Variants in ZMAT4 observed in about 807,000 individuals in gnomAD.
ZMAT4 encodes zinc finger matrin-type 4, also known as zinc finger matrin-type protein 4.
Under a neutral mutation model 28.7 loss-of-function variants are expected in ZMAT4, and 17 were observed. The observed-to-expected ratio is 0.59, with a 90% CI of 0.41 to 0.89. The LOEUF is 0.89. Among genes scored for constraint, ZMAT4 ranks in the 40% least tolerant of loss-of-function variants. The probability of loss-of-function intolerance (pLI) is 0.00; values close to 1 mark genes in which losing one functional copy is unlikely to be tolerated. For missense variants in ZMAT4, 240 were observed against 283.8 expected (o/e 0.85, Z 1.11); for synonymous variants, 117 against 109.2 (o/e 1.07, Z -0.44).
At chr8:40,725,644 C>T (rs1163030798) in intron 3 of ZMAT4, among the ~76,000 whole-genome samples, 1 of 152,078 alleles carries the variant, frequency 6.6e-6, no homozygotes, top group African/African-American at 2.4e-5. Context: ...CTAAATATCT[C>T]CTTTAAAGTC....
chr8:40,864,813 C>T (rs1198523619), intron 1 of ZMAT4, among the ~76,000 whole-genome samples: 1 of 152,138 alleles, frequency 6.6e-6, no homozygotes, highest in Admixed American at 6.5e-5. Flanking sequence ...TTTCCCAAAA[C>T]CTGAACTATA....
At chr8:40,760,686 C>G (rs1812890966) in intron 3 of ZMAT4, among the ~76,000 whole-genome samples, 1 of 146,630 alleles carries the variant, frequency 6.8e-6, no homozygotes, top group Admixed American at 7.0e-5. Flanking sequence ...AAAGATCTCT[C>G]TCTCTCTCTC....
intron 3 of ZMAT4, among the ~76,000 whole-genome samples, chr8:40,699,286 T>C (rs1810028604): frequency 6.6e-6 from 1 of 152,150 alleles, no homozygotes; most frequent in Non-Finnish European, 1.5e-5. Context: ...CTTTACTACA[T>C]GCTGGAGGAT....
chr8:40,575,360 T>A (rs1339542911), intron 6 of ZMAT4, among the ~76,000 whole-genome samples: 1 of 152,010 alleles, frequency 6.6e-6, no homozygotes, highest in South Asian at 2.1e-4. Flanking sequence ...CAAACCCCTA[T>A]GCCTTGGGCT....
intron 2 of ZMAT4, among the ~76,000 whole-genome samples, chr8:40,809,189 A>C (rs1013761161): frequency 6.6e-6 from 1 of 152,220 alleles, no homozygotes; most frequent in Non-Finnish European, 1.5e-5. Flanking sequence ...ATCTTAAATA[A>C]ATTAATGCAG....
chr8:40,564,609 A>T (rs1194180182), intron 6 of ZMAT4, among the ~76,000 whole-genome samples: 1 of 152,224 alleles, frequency 6.6e-6, no homozygotes, highest in African/African-American at 2.4e-5. Flanking sequence ...CTTTGAGAAA[A>T]GGAAGCAATT....
chr8:40,584,499 T>C (rs1804598907), intron 5 of ZMAT4, among the ~76,000 whole-genome samples: 1 of 152,184 alleles, frequency 6.6e-6, no homozygotes, highest in Non-Finnish European at 1.5e-5. Flanking sequence ...ATTTATGTAT[T>C]TACAAGTAGC....
At chr8:40,647,000 T>C (rs1361725923) in intron 5 of ZMAT4, among the ~76,000 whole-genome samples, 3 of 152,230 alleles carry the variant, frequency 2.0e-5, no homozygotes, top group Non-Finnish European at 4.4e-5. Flanking sequence ...CAGATAAGTA[T>C]ATTCTTTAAC....
At chr8:40,575,659 A>G (rs922301920) in intron 6 of ZMAT4, among the ~76,000 whole-genome samples, 1 of 151,720 alleles carries the variant, frequency 6.6e-6, no homozygotes, top group Admixed American at 6.6e-5. Flanking sequence ...CATCTACAGG[A>G]AAAAGTCTTT....
At chr8:40,604,978 C>T (rs1012025302) in intron 5 of ZMAT4, among the ~76,000 whole-genome samples, 2 of 151,936 alleles carry the variant, frequency 1.3e-5, no homozygotes, top group African/African-American at 4.8e-5. Context: ...TAAATGTGCT[C>T]ATAGTAGCCC....
At chr8:40,877,529 C>T (rs1395556669) in intron 1 of ZMAT4, among the ~76,000 whole-genome samples, 1 of 152,168 alleles carries the variant, frequency 6.6e-6, no homozygotes, top group Non-Finnish European at 1.5e-5. Flanking sequence ...GGACATAGTA[C>T]GTACTTAGGC....
At chr8:40,568,428 C>T (rs1803990687) in intron 6 of ZMAT4, among the ~76,000 whole-genome samples, 1 of 152,126 alleles carries the variant, frequency 6.6e-6, no homozygotes, top group Non-Finnish European at 1.5e-5. Flanking sequence ...TCACTGAGAT[C>T]CACTGGGGTT....
chr8:40,667,472 A>G (rs1259688224), intron 5 of ZMAT4, among the ~76,000 whole-genome samples: 1 of 152,122 alleles, frequency 6.6e-6, no homozygotes, highest in Non-Finnish European at 1.5e-5. Context: ...CAATAATTTC[A>G]TAACCATCTC....
chr8:40,846,588 C>T (rs989090571), intron 1 of ZMAT4, among the ~76,000 whole-genome samples: 4 of 152,220 alleles, frequency 2.6e-5, no homozygotes, highest in African/African-American at 9.6e-5. Context: ...TAACGAGCCA[C>T]GGCAGCGTCG....
chr8:40,693,595 A>T (rs1318166882), intron 4 of ZMAT4, among the ~76,000 whole-genome samples: 3 of 152,212 alleles, frequency 2.0e-5, no homozygotes, highest in Non-Finnish European at 4.4e-5. Flanking sequence ...CTAGATCAAG[A>T]GTCAAACTTT....
At chr8:40,637,832 G>T (rs1251200749) in intron 5 of ZMAT4, among the ~76,000 whole-genome samples, 1 of 152,110 alleles carries the variant, frequency 6.6e-6, no homozygotes, top group African/African-American at 2.4e-5. Context: ...AGAGGTATTG[G>T]GAAGACTTTT....
At chr8:40,679,470 A>G (rs1000250209) in intron 4 of ZMAT4, among the ~76,000 whole-genome samples, 2 of 152,168 alleles carry the variant, frequency 1.3e-5, no homozygotes, top group African/African-American at 2.4e-5. Flanking sequence ...GAAACTTACA[A>G]TCATGGCAGA....
chr8:40,533,013 C>T lies in ZMAT4; in HGVS notation c.675-775G>A, dbSNP rs537015512. ...AAAAAAAAAATTCTTTCTGGCCTTACTTGCAAAAAGTATTGATTTAATCAA... is the reference window on the plus strand; with the variant it reads ...AAAAAAAAAATTCTTTCTGGCCTTATTTGCAAAAAGTATTGATTTAATCAA... On this transcript the variant is annotated intron_variant, in intron 6 of 6. Transcript: ENST00000297737. 2.6e-5 allele frequency among the ~76,000 whole-genome samples: 4 copies of T among 151,992 alleles called. No individual in the cohort carries two copies. In the South Asian group the frequency reaches 8.3e-4, roughly 32 times the overall value.
At chr8:40,814,310 C>A (rs545966170) in intron 2 of ZMAT4, among the ~76,000 whole-genome samples, 1 of 152,236 alleles carries the variant, frequency 6.6e-6, no homozygotes, top group Non-Finnish European at 1.5e-5. Flanking sequence ...GGGGATTCCC[C>A]ATCCTGTTAA....
Sources: allele counts gnomAD v4.1 joint callset (sites outside exome capture counted in the v4.1 genomes callset), GRCh38; gene constraint gnomAD v4.1.1; transcripts MANE v1.5; gene names NCBI Gene and HGNC (gene_info 2026-07-23, HGNC 2026-07-21).